Variants in LIMCH1 observed in about 807,000 individuals in gnomAD.
LIMCH1 encodes the protein LIM and calponin homology domains-containing protein 1.
Under a neutral mutation model 176.5 loss-of-function variants are expected in LIMCH1, and 113 were observed. The ratio of observed to expected loss-of-function variants is 0.64; its 90% CI spans 0.55 to 0.75. The LOEUF is 0.75. Ranked by LOEUF, LIMCH1 falls within the 30% of genes least tolerant of loss-of-function variation. LIMCH1 has a pLI of 0.00. For synonymous variants in LIMCH1, 619 were observed against 645.9 expected (o/e 0.96, Z 0.63); for missense variants, 1,674 against 1,814.9 (o/e 0.92, Z 1.41).
At chr4:41,579,707 A>C (rs2152672395) in intron 1 of LIMCH1, among the ~76,000 whole-genome samples, 1 of 152,226 alleles carries the variant, frequency 6.6e-6, no homozygotes, top group Admixed American at 6.5e-5. Context: ...CTCCTCCCCC[A>C]CTGTACACTC....
intron 1 of LIMCH1, among the ~76,000 whole-genome samples, chr4:41,567,624 T>TA (rs893173804): frequency 4.1e-4 from 62 of 152,318 alleles, no homozygotes; most frequent in African/African-American, 1.4e-3. Context: ...AGGTAAGTGT[T>TA]ACTGCATTTT....
chr4:41,585,727 A>G (rs1484835239), intron 1 of LIMCH1, among the ~76,000 whole-genome samples: 1 of 152,194 alleles, frequency 6.6e-6, no homozygotes, highest in Admixed American at 6.5e-5. Flanking sequence ...AAAAACAGGC[A>G]TTCTAATGAG....
intron 1 of LIMCH1, among the ~76,000 whole-genome samples, chr4:41,492,378 G>A (rs565117060): frequency 3.3e-5 from 5 of 149,258 alleles, no homozygotes; most frequent in South Asian, 2.2e-4. Context: ...TCCAGGCTCC[G>A]CAAGAGAGGG....
At chr4:41,530,124 CG>C (rs1482534527) in intron 3 of LIMCH1, among the ~76,000 whole-genome samples, 2 of 152,150 alleles carry the variant, frequency 1.3e-5, no homozygotes, top group African/African-American at 4.8e-5. Flanking sequence ...GCCATTTCAT[CG>C]AGTGAGATCA....
intron 2 of LIMCH1, chr4:41,599,246 C>T: frequency 2.7e-6 from 1 of 373,230 alleles, no homozygotes; most frequent in Non-Finnish European, 4.9e-6. Flanking sequence ...AAAATTCTTG[C>T]ATATAGAGTT....
At chr4:41,642,997 CCTT>C (rs2093898702) in intron 14 of LIMCH1, among the ~76,000 whole-genome samples, 1 of 152,196 alleles carries the variant, frequency 6.6e-6, no homozygotes, top group South Asian at 2.1e-4. Flanking sequence ...AGCTAAGAGT[CCTT>C]CTGTGCAGCC....
intron 13 of LIMCH1, among the ~76,000 whole-genome samples, chr4:41,637,584 C>T (rs950762416): frequency 3.9e-5 from 6 of 152,146 alleles, no homozygotes; most frequent in Admixed American, 6.5e-5. Flanking sequence ...AAGCACCTTC[C>T]GAAACGATAC....
intron 1 of LIMCH1, among the ~76,000 whole-genome samples, chr4:41,382,678 A>G (rs1420560692): frequency 6.6e-6 from 1 of 152,190 alleles, no homozygotes; most frequent in East Asian, 1.9e-4. Context: ...CCCCTGTCTC[A>G]AAGGCTCCCT....
chr4:41,433,444 T>C (rs946064407), intron 1 of LIMCH1, among the ~76,000 whole-genome samples: 1 of 152,214 alleles, frequency 6.6e-6, no homozygotes, highest in African/African-American at 2.4e-5. Context: ...ATGAGTTGAC[T>C]AGTTCAATTC....
intron 1 of LIMCH1, among the ~76,000 whole-genome samples, chr4:41,426,343 T>A (rs1237033484): frequency 6.6e-6 from 1 of 152,222 alleles, no homozygotes; most frequent in Non-Finnish European, 1.5e-5. Context: ...CTTGTAAGAT[T>A]CCAGGTGATT....
At chr4:41,410,733 G>A (rs951356209) in intron 1 of LIMCH1, among the ~76,000 whole-genome samples, 6 of 152,204 alleles carry the variant, frequency 3.9e-5, no homozygotes. Context: ...GGGTTAATTT[G>A]TGTGCTGCTG....
rs186984555 is a variant in LIMCH1 at position 41,531,694 on chromosome 4, C to T, written c.237+7216C>T. 1.4e-3 allele frequency among the ~76,000 whole-genome samples: 206 copies of T among 152,180 alleles called. 3 individuals carry two copies. Among genetic ancestry groups the T allele is most frequent in the African/African-American group, 4.6e-3 (191 of 41,526 alleles). The stretch of plus-strand genomic sequence containing the variant: ...CCAGCTAGACTCGGCTCCTTTTGCC[C>T]CTGATTCTGATTCTGGACAACAAAG... On this transcript the variant is annotated intron_variant, in intron 3 of 26. Coordinates refer to the LIMCH1 transcript ENST00000313860.
At chr4:41,655,925 CCT>C (rs1392162173) in intron 18 of LIMCH1, among the ~76,000 whole-genome samples, 2 of 152,122 alleles carry the variant, frequency 1.3e-5, no homozygotes, top group African/African-American at 4.8e-5. Flanking sequence ...CCCATCGACC[CCT>C]GTGTCACTCC....
chr4:41,599,457 A>T (rs1292756821), intron 2 of LIMCH1, among the ~76,000 whole-genome samples: 2 of 152,208 alleles, frequency 1.3e-5, no homozygotes, highest in Admixed American at 6.5e-5. Flanking sequence ...CTTCATTTAC[A>T]TGTGTAACTG....
chr4:41,479,469 G>A (rs540710437), intron 1 of LIMCH1, among the ~76,000 whole-genome samples: 12 of 152,170 alleles, frequency 7.9e-5, no homozygotes, highest in Admixed American at 3.3e-4. Context: ...GCCCAGGCTC[G>A]TCGAATTCTT....
At chr4:41,535,631 G>C (rs1175435346), upstream of LIMCH1, among the ~76,000 whole-genome samples, 1 of 152,126 alleles carries the variant, frequency 6.6e-6, no homozygotes, top group Non-Finnish European at 1.5e-5. Context: ...GAACGGGTTA[G>C]GAGTTCAAGA....
intron 1 of LIMCH1, among the ~76,000 whole-genome samples, chr4:41,550,973 C>A (rs1458383094): frequency 6.6e-6 from 1 of 152,162 alleles, no homozygotes; most frequent in African/African-American, 2.4e-5. Context: ...CTTTTAGCTT[C>A]CATCAGACTT....
intron 1 of LIMCH1, among the ~76,000 whole-genome samples, chr4:41,593,074 C>G (rs943813642): frequency 6.6e-6 from 1 of 152,162 alleles, no homozygotes; most frequent in African/African-American, 2.4e-5. Flanking sequence ...CTGGGCTATT[C>G]CCTCACCTTG....
chr4:41,413,189 TTATTA>T, intron 1 of LIMCH1, among the ~76,000 whole-genome samples: 1 of 152,094 alleles, frequency 6.6e-6, no homozygotes, highest in South Asian at 2.1e-4. Flanking sequence ...GAGAGCCATG[TTATTA>T]TATGCAACAT....
Sources: allele counts gnomAD v4.1 joint callset (sites outside exome capture counted in the v4.1 genomes callset), GRCh38; gene constraint gnomAD v4.1.1; transcripts MANE v1.5; gene names NCBI Gene and HGNC (gene_info 2026-07-23, HGNC 2026-07-21).